The following USP36 variants were observed in gnomAD, a reference collection of about 807,000 sequenced individuals.
USP36 encodes ubiquitin specific peptidase 36.
Under a neutral mutation model 111.5 loss-of-function variants are expected in USP36, and 59 were observed. The ratio of observed to expected loss-of-function variants is 0.53; its 90% CI spans 0.43 to 0.66. The LOEUF is 0.66. Among genes scored for constraint, USP36 ranks in the 30% least tolerant of loss-of-function variants. The pLI is 0.00. For synonymous variants in USP36, 628 were observed against 581.0 expected (o/e 1.08, Z -1.16); for missense variants, 1,488 against 1,468.0 (o/e 1.01, Z -0.22).
At chr17:78,835,922 C>T (rs1300946475) in intron 3 of USP36, 189 bp downstream of exon 3, 1 of 817,806 alleles carries the variant, frequency 1.2e-6, no homozygotes, top group Non-Finnish European at 1.9e-6. Context: ...ATCCACCAAG[C>T]ACACAGATTT....
chr17:78,792,720 T>C (rs1359425948), downstream of USP36, among the ~76,000 whole-genome samples: 1 of 151,850 alleles, frequency 6.6e-6, no homozygotes, highest in African/African-American at 2.4e-5. Flanking sequence ...AAGGTTTTTT[T>C]TGTTGTCGTT....
intron 2 of USP36, among the ~76,000 whole-genome samples, chr17:78,836,800 C>T (rs901528468): frequency 1.5e-5 from 2 of 130,896 alleles, no homozygotes; most frequent in Non-Finnish European, 3.1e-5. Flanking sequence ...CACACACGGA[C>T]ACACACACAC....
intron 2 of USP36, among the ~76,000 whole-genome samples, chr17:78,838,096 T>C (rs2068847714): frequency 6.9e-6 from 1 of 145,538 alleles, no homozygotes; most frequent in Non-Finnish European, 1.5e-5. Flanking sequence ...ACCCCATCTT[T>C]AAAACAAAAA....
chr17:78,796,783 G>A lies in USP36; in HGVS notation c.*1117C>T, dbSNP rs1021518675. The A allele has an allele frequency of 2.0e-5, 3 of 152,348 alleles. No homozygotes were observed. The highest frequency in any genetic ancestry group is 4.8e-5 in the African/African-American group (2 of 41,436). The allele number at this position is 152,348 out of a possible 1,614,324, so 9.4% of individuals were successfully genotyped here. ...ATCTCCACCTGCGACGACTCCGGGA[G>A]GAAATGACGGGGACAGACCCGATGA... is the stretch of plus-strand genomic sequence containing the variant. On this transcript the variant is annotated 3_prime_UTR_variant, in exon 21 of 21. Transcript: ENST00000449938.
chr17:78,800,670 G>A (rs1002856315), intron 17 of USP36, among the ~76,000 whole-genome samples: 2 of 152,190 alleles, frequency 1.3e-5, no homozygotes, highest in African/African-American at 2.4e-5. Flanking sequence ...AACGTGCTGC[G>A]CCTCCTGCCC....
intron 15 of USP36, among the ~76,000 whole-genome samples, 169 bp from the exon 16 acceptor site, chr17:78,804,147 CAATT>C (rs940412079): frequency 3.9e-5 from 6 of 152,158 alleles, no homozygotes; most frequent in African/African-American, 1.4e-4. Flanking sequence ...AGAAAGCTAA[CAATT>C]AATTCAACAT....
At chr17:78,840,529 G>A (rs1277721215) in intron 1 of USP36, 3 of 152,390 alleles carry the variant, frequency 2.0e-5, no homozygotes, top group East Asian at 1.9e-4. Context: ...GGAATACCCG[G>A]GCTCTGGAGA....
chr17:78,801,674 A>G (rs1395178040), intron 17 of USP36, among the ~76,000 whole-genome samples: 2 of 152,218 alleles, frequency 1.3e-5, no homozygotes, highest in Admixed American at 1.3e-4. Context: ...AAACCGTGCT[A>G]TGTTCTGAAT....
intron 13 of USP36, among the ~76,000 whole-genome samples, chr17:78,810,236 C>G (rs1319882863): frequency 6.6e-6 from 1 of 151,990 alleles, no homozygotes; most frequent in Non-Finnish European, 1.5e-5. Flanking sequence ...GATCCTCCCC[C>G]AACAGCTTAC....
At position 78,835,400 on chromosome 17, in the gene USP36, G is replaced by A. The variant is rs776872958; in HGVS notation, c.355C>T (p.Arg119Cys). 2.2e-5 allele frequency: 35 copies of A among 1,614,128 alleles called. No homozygotes were observed. Among genetic ancestry groups the A allele is most frequent in the African/African-American group, 6.7e-5 (5 of 74,942 alleles). ...AGGTTGTGGAGTCCTGCGCCCACGC[G>A]GAAGACCCGCTCCCACCTCAGAGAC... is the stretch of plus-strand genomic sequence containing the variant. ...RLSLRWERVF[R>C]VGAGLHNLGN... Residue 119 changes from arginine to cysteine, a missense_variant, in exon 4 of 21, where the codon CGC (arginine) becomes TGC (cysteine). This residue lies in a region of USP36 where 219 missense variants were observed against 209.5 expected (regional missense o/e 1.05). Coordinates refer to ENST00000449938, the MANE Select transcript of USP36 (RefSeq NM_001385174.1).
intron 15 of USP36, among the ~76,000 whole-genome samples, chr17:78,804,222 G>A (rs1032111661): frequency 6.6e-6 from 1 of 152,122 alleles, no homozygotes; most frequent in Non-Finnish European, 1.5e-5. Context: ...AGCACTTTGG[G>A]AAGCCAAGGT....
chr17:78,840,198 C>T (rs1431093472), intron 1 of USP36: 1 of 152,298 alleles, frequency 6.6e-6, no homozygotes, highest in Non-Finnish European at 1.5e-5. Flanking sequence ...TCTCGTGTGT[C>T]TGGGTTTGGC....
chr17:78,812,698 A>G (rs751368117), intron 13 of USP36, among the ~76,000 whole-genome samples, 162 bp downstream of exon 13: 372 of 114,958 alleles, frequency 3.2e-3, no homozygotes, highest in Non-Finnish European at 4.1e-3. Context: ...CTCTGTCTCG[A>G]AAAAAAAAAA....
Position 78,820,863 on chromosome 17 carries a change from G to A in USP36, c.828+128C>T, listed in dbSNP as rs2094301702. 10 of 974,058 alleles carry A rather than the reference G, an allele frequency of 1.0e-5. No homozygotes were observed. The Admixed American group carries it at 2.0e-4, about 20-fold the overall frequency. 60.3% of individuals were successfully genotyped at this position (974,058 alleles called of 1,614,324 possible). On this transcript the variant is annotated intron_variant, in intron 8 of 20. Coordinates refer to ENST00000449938, the MANE Select transcript of USP36 (RefSeq NM_001385174.1). ...TAAAGACAATGGTCTGTACTGCAAG[G>A]CGGCAGGGAGCAAAGGAGTTTTCTC...
intron 4 of USP36, 87 bp downstream of exon 4, chr17:78,835,193 A>G (rs1284653536): frequency 5.7e-6 from 8 of 1,394,636 alleles, no homozygotes; most frequent in South Asian, 1.3e-5. Flanking sequence ...AATTTGACCC[A>G]GACTGAGAGC....
intron 12 of USP36, 31 bp downstream of exon 12, chr17:78,813,742 A>G: frequency 1.3e-6 from 2 of 1,595,682 alleles, no homozygotes; most frequent in Non-Finnish European, 1.7e-6. Flanking sequence ...AGAGGGAGTG[A>G]GCTCATCTGG....
intron 4 of USP36, among the ~76,000 whole-genome samples, chr17:78,830,192 T>C (rs533922788): frequency 6.6e-6 from 1 of 152,392 alleles, no homozygotes; most frequent in Admixed American, 6.5e-5. Flanking sequence ...TTCTCATTCA[T>C]GTATTATCAC....
chr17:78,813,292 C>T (rs1006697870), intron 12 of USP36, among the ~76,000 whole-genome samples: 7 of 152,148 alleles, frequency 4.6e-5, no homozygotes, highest in African/African-American at 1.7e-4. Flanking sequence ...CTCAGCCACA[C>T]TCTGCAGAGA....
intron 17 of USP36, among the ~76,000 whole-genome samples, chr17:78,800,969 AT>A (rs746497209): frequency 4.1e-3 from 396 of 97,202 alleles, no homozygotes; most frequent in African/African-American, 0.011. Flanking sequence ...TTAGGGCAGT[AT>A]TTTTTTTTTT....
Sources: gnomAD v4.1 joint callset for allele counts (sites outside exome capture counted in the v4.1 genomes callset) on GRCh38, gnomAD v4.1.1 for gene constraint, gnomAD v4.1.1 regional missense constraint, MANE v1.5 for transcripts, NCBI Gene and HGNC (gene_info 2026-07-23, HGNC 2026-07-21) for gene names.